SLC4A7: variants seen among roughly 807,000 people sequenced by gnomAD.
SLC4A7 encodes the protein sodium bicarbonate cotransporter 3.
SLC4A7 carries 51 observed loss-of-function variants against 137.6 expected under a neutral mutation model. The observed-to-expected ratio is 0.37, with a 90% confidence interval of 0.30 to 0.47. The LOEUF (loss-of-function observed/expected upper bound fraction) is 0.47. SLC4A7 is among the 20% of genes least tolerant of loss of function. The pLI is 1.00. For synonymous variants in SLC4A7, 542 were observed against 518.6 expected, an observed-to-expected ratio of 1.05 and a Z score of -0.61; for missense variants, 1,247 against 1,525.4, an observed-to-expected ratio of 0.82 and a Z score of 3.04.
chr3:27,414,957 C>T (rs1207472143), intron 11 of SLC4A7, among the ~76,000 whole-genome samples: 4 of 152,192 alleles, frequency 2.6e-5, no homozygotes, highest in East Asian at 1.9e-4. Flanking sequence ...GGCTCGATAA[C>T]GTTCCTGGCT....
intron 1 of SLC4A7, among the ~76,000 whole-genome samples, chr3:27,454,648 C>T (rs141397121): frequency 2.1e-4 from 32 of 152,308 alleles, no homozygotes; most frequent in Non-Finnish European, 3.8e-4. Flanking sequence ...TCTTGAGCTA[C>T]GTGTTCCAAT....
At position 27,421,789 on chromosome 3, in the gene SLC4A7, A is replaced by T. The variant is rs377571465; in HGVS notation, c.1267-10T>A. 1.7e-4 allele frequency: 276 copies of T among 1,596,304 alleles called. 1 individual carries two copies. In the African/African-American group the frequency reaches 3.5e-3, roughly 20 times the overall value. On this transcript the variant is annotated splice_polypyrimidine_tract_variant and intron_variant, in intron 8 of 25. Transcript: ENST00000454389. ...TGAAATTCATATCAACCTATTGACA[A>T]ATAAATAATTAAAAATAAAGTTTCC...
intron 23 of SLC4A7, among the ~76,000 whole-genome samples, chr3:27,383,917 G>T (rs1411494065): frequency 2.0e-5 from 3 of 152,100 alleles, no homozygotes; most frequent in African/African-American, 7.2e-5. Context: ...GTACATCAAT[G>T]AAAGTACTAT....
chr3:27,390,219 T>G, intron 21 of SLC4A7, 115 bp from the exon 22 acceptor site: 1 of 627,358 alleles, frequency 1.6e-6, no homozygotes, highest in South Asian at 2.4e-5. Flanking sequence ...TCCTTGACAT[T>G]TTCTGATAGT....
intron 7 of SLC4A7, among the ~76,000 whole-genome samples, chr3:27,425,820 T>C (rs1405735981): frequency 6.6e-6 from 1 of 152,026 alleles, no homozygotes; most frequent in Non-Finnish European, 1.5e-5. Flanking sequence ...GGTTTTCTAG[T>C]GCAAGAATAT....
chr3:27,418,612 A>G lies in SLC4A7; in HGVS notation c.1533T>C (p.Tyr511=), dbSNP rs762814441. Residue 511 remains tyrosine (Y), a synonymous_variant, in exon 11 of 26, where the codon TAT becomes TAC. Coordinates refer to ENST00000454389, the MANE Select transcript of SLC4A7 (RefSeq NM_001321103.2). ...MTDEIFHDVA[Y]KAKDRNDLLS... Reference sequence around the variant, plus strand: ...AGAGGTCATTTCTGTCTTTTGCTTTATAAGCTACATCATGGAAAATCTAAG... The same window carrying G: ...AGAGGTCATTTCTGTCTTTTGCTTTGTAAGCTACATCATGGAAAATCTAAG... 6.3e-7 allele frequency: 1 copy of G among 1,589,202 alleles called. No homozygotes were observed. Among genetic ancestry groups the G allele is most frequent in the Non-Finnish European group, 8.6e-7 (1 of 1,164,590 alleles).
rs539448643 is a variant in SLC4A7 at position 27,408,925 on chromosome 3, C to T, written c.1941+431G>A. 2.0e-5 allele frequency among the ~76,000 whole-genome samples: 3 copies of T among 152,218 alleles called. No homozygotes were observed. The South Asian group carries it at 6.2e-4, about 32-fold the overall frequency. On this transcript the variant is annotated intron_variant, in intron 13 of 25. Coordinates refer to ENST00000454389, the MANE Select transcript of SLC4A7 (RefSeq NM_001321103.2). Reference sequence around the variant, plus strand: ...TTCTTCCAGTCGAGTATAGGCTTACCAGCCAGGACTGAGGAGTTAATATTC... The same window carrying T: ...TTCTTCCAGTCGAGTATAGGCTTACTAGCCAGGACTGAGGAGTTAATATTC...
chr3:27,398,971 G>C (rs917211645), intron 16 of SLC4A7, among the ~76,000 whole-genome samples: 4 of 149,308 alleles, frequency 2.7e-5, no homozygotes, highest in Non-Finnish European at 5.9e-5. Flanking sequence ...ATAATAAAAT[G>C]CAATTATAGA....
At chr3:27,389,302 T>C (rs1377150693) in intron 22 of SLC4A7, among the ~76,000 whole-genome samples, 1 of 152,136 alleles carries the variant, frequency 6.6e-6, no homozygotes, top group Non-Finnish European at 1.5e-5. Flanking sequence ...AATTTCCAAA[T>C]ATTTAAGATT....
intron 20 of SLC4A7, 114 bp from the exon 21 acceptor site, chr3:27,391,922 C>A: frequency 5.2e-6 from 3 of 574,594 alleles, no homozygotes; most frequent in East Asian, 3.1e-5. Context: ...AGGATTAGAC[C>A]GACCTAACAT....
intron 14 of SLC4A7, among the ~76,000 whole-genome samples, chr3:27,404,421 T>A (rs2053125173): frequency 6.6e-6 from 1 of 152,150 alleles, no homozygotes; most frequent in South Asian, 2.1e-4. Flanking sequence ...CCATGCTGAA[T>A]TCAAAGTCTA....
At chr3:27,466,869 AT>A (rs890660145) in intron 1 of SLC4A7, among the ~76,000 whole-genome samples, 12 of 151,982 alleles carry the variant, frequency 7.9e-5, no homozygotes, top group African/African-American at 2.7e-4. Flanking sequence ...GAAAAAAAAA[AT>A]TTTTTTAATT....
chr3:27,397,399 CTT>C (rs5847461), intron 18 of SLC4A7, among the ~76,000 whole-genome samples: 14 of 142,576 alleles, frequency 9.8e-5, no homozygotes, highest in East Asian at 2.1e-4. Flanking sequence ...AGAGCAAAGA[CTT>C]TTTTTTTTTT....
At chr3:27,483,696 CGGGACCCCGCCTG>C (rs2059815788) in intron 1 of SLC4A7, among the ~76,000 whole-genome samples, 1 of 152,160 alleles carries the variant, frequency 6.6e-6, no homozygotes, top group African/African-American at 2.4e-5. Context: ...CAACCGGAAC[CGGGACCCCGCCTG>C]GGGAGCGCGC....
At chr3:27,475,873 T>C (rs1044142547) in intron 1 of SLC4A7, among the ~76,000 whole-genome samples, 5 of 152,154 alleles carry the variant, frequency 3.3e-5, no homozygotes, top group African/African-American at 7.2e-5. Flanking sequence ...TGTATAAACA[T>C]TTATGCATGG....
At chr3:27,468,820 A>G (rs1445858741) in intron 1 of SLC4A7, among the ~76,000 whole-genome samples, 1 of 152,160 alleles carries the variant, frequency 6.6e-6, no homozygotes, top group Non-Finnish European at 1.5e-5. Context: ...TCAATGAAAT[A>G]CTAGGAGTGG....
chr3:27,394,021 A>AT (rs1324258675), intron 20 of SLC4A7, among the ~76,000 whole-genome samples: 8 of 151,576 alleles, frequency 5.3e-5, no homozygotes, highest in African/African-American at 7.3e-5. Flanking sequence ...CCATATTATA[A>AT]TTTTTTTTGT....
chr3:27,452,175 C>G (rs2058115594), intron 2 of SLC4A7, among the ~76,000 whole-genome samples: 1 of 152,122 alleles, frequency 6.6e-6, no homozygotes, highest in Non-Finnish European at 1.5e-5. Flanking sequence ...AATTTTGTGA[C>G]TGTGTCCTTT....
chr3:27,459,557 C>T (rs1312115803), intron 1 of SLC4A7, among the ~76,000 whole-genome samples: 4 of 152,144 alleles, frequency 2.6e-5, no homozygotes, highest in Admixed American at 2.6e-4. Context: ...CTCTTCACTC[C>T]ATTTTCAGCC....
Sources: allele counts gnomAD v4.1 joint callset (sites outside exome capture counted in the v4.1 genomes callset), GRCh38; gene constraint gnomAD v4.1.1; transcripts MANE v1.5; gene names NCBI Gene and HGNC (gene_info 2026-07-23, HGNC 2026-07-21).